Variants in NRXN3 observed in about 807,000 individuals in gnomAD.
The protein encoded by NRXN3 is neurexin 3.
Under a neutral mutation model 137.6 loss-of-function variants are expected in NRXN3, and 32 were observed. The observed-to-expected ratio is 0.23, with a 90% CI of 0.18 to 0.31. The LOEUF (loss-of-function observed/expected upper bound fraction) is 0.31. Ranked by LOEUF, NRXN3 falls within the 10% of genes least tolerant of loss-of-function variation. NRXN3 has a pLI of 1.00. For missense variants in NRXN3, 1,574 were observed against 2,062.5 expected (o/e 0.76, Z 4.59); for synonymous variants, 798 against 784.5 (o/e 1.02, Z -0.29).
At chr14:78,249,400 T>C (rs879706429) in intron 2 of NRXN3, among the ~76,000 whole-genome samples, 2 of 152,228 alleles carry the variant, frequency 1.3e-5, no homozygotes, top group Non-Finnish European at 2.9e-5. Context: ...CTATCTCCAT[T>C]TGCAGGCTGC....
At chr14:79,664,067 A>T in intron 17 of NRXN3, 118 bp downstream of exon 17, 1 of 1,047,070 alleles carries the variant, frequency 9.6e-7, no homozygotes, top group Non-Finnish European at 1.4e-6. Flanking sequence ...GTACACATTC[A>T]TGATTTTTTT....
chr14:78,926,948 AATATATATAAT>A (rs1449047083), intron 10 of NRXN3, among the ~76,000 whole-genome samples: 6 of 35,248 alleles, frequency 1.7e-4, no homozygotes, highest in Non-Finnish European at 2.4e-4. Flanking sequence ...ATATATATAT[AATATATATAAT>A]ATATATATAA....
intron 15 of NRXN3, among the ~76,000 whole-genome samples, chr14:79,056,872 A>T (rs769204208): frequency 1.1e-4 from 16 of 152,114 alleles, no homozygotes; most frequent in Non-Finnish European, 2.1e-4. Context: ...CAGCTCCAGT[A>T]AATTGTTGCT....
intron 8 of NRXN3, among the ~76,000 whole-genome samples, chr14:78,801,308 G>A (rs1209916448): frequency 6.6e-6 from 1 of 152,172 alleles, no homozygotes; most frequent in Non-Finnish European, 1.5e-5. Flanking sequence ...ATGACAGAGT[G>A]AGACTCCGTC....
chr14:78,672,236 C>G (rs2097943580), intron 6 of NRXN3, among the ~76,000 whole-genome samples: 1 of 152,216 alleles, frequency 6.6e-6, no homozygotes, highest in African/African-American at 2.4e-5. Context: ...TGCCTAAATG[C>G]TGTTCTTCTC....
chr14:79,663,861 C>T lies in NRXN3; in HGVS notation c.3528C>T (p.Gly1176=). 6.2e-7 allele frequency: 1 copy of T among 1,613,578 alleles called. No homozygotes were observed. The highest frequency in any genetic ancestry group is 8.5e-7 in the Non-Finnish European group (1 of 1,179,678). ...IKEERTPVND[G]KYHVVRFTRN... ...AGGAGAGAACCCCTGTAAATGACGG[C>T]AAATACCATGTGGTACGCTTCACCA... The change falls in exon 17 of 21, where the codon GGC becomes GGT. Residue 1176 remains glycine, a synonymous_variant. Coordinates refer to ENST00000335750, the MANE Select transcript of NRXN3 (RefSeq NM_001330195.2).
intron 16 of NRXN3, among the ~76,000 whole-genome samples, chr14:79,492,392 C>T (rs60319911): frequency 0.024 from 3,675 of 150,956 alleles, 167 homozygotes; most frequent in African/African-American, 0.085. Flanking sequence ...TTTTGGTGGG[C>T]GGGGGATGGG....
At chr14:78,751,758 C>T (rs752961021) in intron 8 of NRXN3, among the ~76,000 whole-genome samples, 30 of 152,106 alleles carry the variant, frequency 2.0e-4, no homozygotes, top group Admixed American at 6.5e-5. Flanking sequence ...CTCCATAGAC[C>T]GTGACCTTGC....
chr14:78,718,447 C>A (rs1264804547), intron 8 of NRXN3, among the ~76,000 whole-genome samples: 2 of 152,086 alleles, frequency 1.3e-5, no homozygotes, highest in Non-Finnish European at 2.9e-5. Flanking sequence ...ACCAATGACC[C>A]AAGCAAAGTC....
intron 4 of NRXN3, among the ~76,000 whole-genome samples, chr14:78,457,760 T>C (rs2094791796): frequency 6.6e-6 from 1 of 152,174 alleles, no homozygotes; most frequent in African/African-American, 2.4e-5. Context: ...CATACACACG[T>C]ACCCACACTG....
chr14:78,905,624 A>G (rs1370985912), intron 10 of NRXN3, among the ~76,000 whole-genome samples: 3 of 152,050 alleles, frequency 2.0e-5, no homozygotes, highest in South Asian at 4.1e-4. Flanking sequence ...TTTCTTTCCC[A>G]GCACCTAATG....
At chr14:79,233,241 A>G (rs528301080) in intron 15 of NRXN3, among the ~76,000 whole-genome samples, 1 of 152,240 alleles carries the variant, frequency 6.6e-6, no homozygotes, top group East Asian at 1.9e-4. Flanking sequence ...GTTAATCTAG[A>G]TGGAATTCTT....
chr14:78,441,341 A>C (rs1472692909), intron 4 of NRXN3, among the ~76,000 whole-genome samples: 1 of 151,460 alleles, frequency 6.6e-6, no homozygotes, highest in Non-Finnish European at 1.5e-5. Flanking sequence ...TGTTCTTGCA[A>C]TTTCCTTCAT....
At chr14:79,670,041 C>T (rs991430796) in intron 17 of NRXN3, among the ~76,000 whole-genome samples, 12 of 151,908 alleles carry the variant, frequency 7.9e-5, no homozygotes, top group African/African-American at 2.4e-4. Context: ...GCTGGTATGA[C>T]GGAGATTCTG....
At chr14:78,317,421 G>A (rs972828811) in intron 4 of NRXN3, among the ~76,000 whole-genome samples, 2 of 152,160 alleles carry the variant, frequency 1.3e-5, no homozygotes, top group Admixed American at 6.5e-5. Flanking sequence ...TGGGAACAGT[G>A]TATGCGAGGG....
chr14:79,318,783 A>G (rs1193564993), intron 15 of NRXN3, among the ~76,000 whole-genome samples: 3 of 152,138 alleles, frequency 2.0e-5, no homozygotes, highest in Admixed American at 6.5e-5. Flanking sequence ...TATTTTTTGC[A>G]TGTTCTTGTG....
At chr14:79,514,386 T>G (rs2096962586) in intron 16 of NRXN3, among the ~76,000 whole-genome samples, 1 of 152,070 alleles carries the variant, frequency 6.6e-6, no homozygotes, top group South Asian at 2.1e-4. Flanking sequence ...AGCAGAATAA[T>G]TTCTGCTTGC....
At chr14:78,287,624 A>G (rs1383394362) in intron 3 of NRXN3, among the ~76,000 whole-genome samples, 2 of 152,194 alleles carry the variant, frequency 1.3e-5, no homozygotes, top group African/African-American at 4.8e-5. Context: ...TTTCCATTCC[A>G]TTCCAACAGC....
intron 18 of NRXN3, 95 bp downstream of exon 18, chr14:79,692,357 T>A (rs1194818537): frequency 5.6e-6 from 5 of 895,764 alleles, no homozygotes; most frequent in Non-Finnish European, 8.6e-6. Context: ...GATAATCGCC[T>A]GCTGCATAAA....
Sources: gnomAD v4.1 joint callset for allele counts (sites outside exome capture counted in the v4.1 genomes callset) on GRCh38, gnomAD v4.1.1 for gene constraint, MANE v1.5 for transcripts, NCBI Gene and HGNC (gene_info 2026-07-23, HGNC 2026-07-21) for gene names.